The following IL1RAPL1 variants were observed in gnomAD, a reference collection of about 807,000 sequenced individuals.
The protein encoded by IL1RAPL1 is interleukin 1 receptor accessory protein like 1, also known as interleukin-1 receptor accessory protein-like 1.
Under a neutral mutation model 48.4 loss-of-function variants are expected in IL1RAPL1, and 3 were observed. The observed-to-expected ratio is 0.06, with a 90% CI of 0.03 to 0.16. IL1RAPL1 has a LOEUF of 0.16. Among genes scored for constraint, IL1RAPL1 ranks in the 10% least tolerant of loss-of-function variants. The pLI, the probability that IL1RAPL1 is intolerant of heterozygous loss-of-function variation, is 1.00. For synonymous variants in IL1RAPL1, 185 were observed against 187.7 expected (o/e 0.99, Z 0.12); for missense variants, 349 against 530.6 (o/e 0.66, Z 3.36).
intron 6 of IL1RAPL1, among the ~76,000 whole-genome samples, chrX:29,783,108 T>G (rs892403197): frequency 5.2e-4 from 56 of 107,617 alleles, no homozygotes; most frequent in Admixed American, 9.0e-4. Context: ...GTTTCACCGT[T>G]TTAGCCGGGA....
intron 5 of IL1RAPL1, among the ~76,000 whole-genome samples, chrX:29,447,501 C>T (rs1269020263): frequency 1.8e-5 from 2 of 111,814 alleles, no homozygotes; most frequent in Non-Finnish European, 3.8e-5. Context: ...TGTAATTACG[C>T]ACCTAGGATA....
intron 6 of IL1RAPL1, among the ~76,000 whole-genome samples, chrX:29,729,786 T>C (rs761080572): frequency 9.0e-6 from 1 of 111,461 alleles, no homozygotes; most frequent in African/African-American, 3.3e-5. Flanking sequence ...CGTGTGAAAC[T>C]CCATAGGCTG....
At chrX:28,956,210 G>A (rs1209614613) in intron 2 of IL1RAPL1, among the ~76,000 whole-genome samples, 1 of 108,152 alleles carries the variant, frequency 9.2e-6, no homozygotes, top group East Asian at 3.1e-4. Flanking sequence ...TCTGCAAAGA[G>A]GGACAATTTG....
chrX:29,220,677 T>G (rs1930956929), intron 2 of IL1RAPL1, among the ~76,000 whole-genome samples: 1 of 112,032 alleles, frequency 8.9e-6, no homozygotes, highest in Non-Finnish European at 1.9e-5. Flanking sequence ...AAATCTAACA[T>G]AATACAACAA....
chrX:29,234,672 A>G (rs989664682), intron 2 of IL1RAPL1, among the ~76,000 whole-genome samples: 3 of 112,057 alleles, frequency 2.7e-5, no homozygotes, highest in Non-Finnish European at 5.6e-5. Flanking sequence ...GGTATATAAT[A>G]AAATGCTTCA....
intron 2 of IL1RAPL1, among the ~76,000 whole-genome samples, chrX:29,117,002 T>G (rs1928690358): frequency 9.0e-6 from 1 of 111,357 alleles, no homozygotes; most frequent in Non-Finnish European, 1.9e-5. Context: ...AGGAGAATCA[T>G]TCAAAAAGAA....
intron 2 of IL1RAPL1, among the ~76,000 whole-genome samples, chrX:28,851,077 C>T (rs1036265046): frequency 2.9e-5 from 3 of 104,364 alleles, no homozygotes; most frequent in Admixed American, 1.1e-4. Context: ...TCACAGGCTA[C>T]TAGATCCTAT....
chrX:28,808,945 G>C (rs1936761044), intron 2 of IL1RAPL1, among the ~76,000 whole-genome samples: 1 of 110,464 alleles, frequency 9.1e-6, no homozygotes, highest in Non-Finnish European at 1.9e-5. Context: ...GGTTTAACAG[G>C]CTAAACCCTT....
chrX:28,808,203 T>G (rs771174077), intron 2 of IL1RAPL1, among the ~76,000 whole-genome samples: 1 of 111,278 alleles, frequency 9.0e-6, no homozygotes, highest in Admixed American at 9.6e-5. Context: ...GAAGAAACCT[T>G]GAGACAAAGT....
intron 6 of IL1RAPL1, among the ~76,000 whole-genome samples, chrX:29,851,800 C>T (rs751143298): frequency 1.1e-4 from 12 of 111,440 alleles, no homozygotes; most frequent in Non-Finnish European, 2.1e-4. Context: ...GCCCATAATT[C>T]TATCAAAGAA....
intron 2 of IL1RAPL1, among the ~76,000 whole-genome samples, chrX:28,894,709 G>A (rs1256890151): frequency 1.8e-5 from 2 of 110,757 alleles, no homozygotes; most frequent in South Asian, 3.9e-4. Context: ...GCCGCTGCAC[G>A]CAGACATGAG....
At chrX:29,179,415 A>C (rs1006299556) in intron 2 of IL1RAPL1, among the ~76,000 whole-genome samples, 5 of 111,996 alleles carry the variant, frequency 4.5e-5, no homozygotes, top group Non-Finnish European at 1.9e-5. Context: ...CAACCAGTTC[A>C]AGTTTTATAT....
intron 2 of IL1RAPL1, among the ~76,000 whole-genome samples, chrX:29,228,178 GCACACACACACACACACA>G (rs35435025): frequency 3.1e-3 from 260 of 84,382 alleles, no homozygotes; most frequent in Non-Finnish European, 4.7e-3. Context: ...ACACACGCGT[GCACACACACACACACACA>G]CACACACACA....
chrX:29,406,619 C>T (rs1238030341), intron 5 of IL1RAPL1, among the ~76,000 whole-genome samples: 1 of 110,606 alleles, frequency 9.0e-6, no homozygotes, highest in Non-Finnish European at 1.9e-5. Context: ...TACATTTGCA[C>T]GAGTCTAATA....
chrX:29,899,927 T>C (rs1321565272), intron 6 of IL1RAPL1, among the ~76,000 whole-genome samples: 2 of 111,657 alleles, frequency 1.8e-5, no homozygotes, highest in African/African-American at 6.5e-5. Context: ...GCACAGAAAA[T>C]TCCCTCTCAT....
At chrX:29,181,060 T>G (rs2147520543) in intron 2 of IL1RAPL1, among the ~76,000 whole-genome samples, 1 of 111,935 alleles carries the variant, frequency 8.9e-6, no homozygotes, top group Non-Finnish European at 1.9e-5. Context: ...CTTTCCACTG[T>G]GTGAACTATT....
chrX:28,641,842 T>C (rs1403645042), intron 1 of IL1RAPL1, among the ~76,000 whole-genome samples: 1 of 111,550 alleles, frequency 9.0e-6, no homozygotes, highest in Admixed American at 9.6e-5. Flanking sequence ...TTTTTTTTCA[T>C]ATGCTTATTG....
intron 3 of IL1RAPL1, among the ~76,000 whole-genome samples, chrX:29,363,376 A>G (rs1351765477): frequency 8.9e-6 from 1 of 111,744 alleles, no homozygotes; most frequent in Admixed American, 9.6e-5. Flanking sequence ...TTTAAGTACT[A>G]TCATCCCAAA....
At chrX:29,401,950 G>C (rs1281753924) in intron 5 of IL1RAPL1, among the ~76,000 whole-genome samples, 4 of 109,697 alleles carry the variant, frequency 3.6e-5, no homozygotes, top group African/African-American at 1.3e-4. Flanking sequence ...CTAGAGTGCA[G>C]TGGTGCAATC....
Sources: gnomAD v4.1 joint callset for allele counts (sites outside exome capture counted in the v4.1 genomes callset) on GRCh38, gnomAD v4.1.1 for gene constraint, MANE v1.5 for transcripts, NCBI Gene and HGNC (gene_info 2026-07-23, HGNC 2026-07-21) for gene names.